Variants in TRPA1 observed in about 807,000 individuals in gnomAD.
TRPA1 encodes the protein ankyrin-like with transmembrane domains 1.
TRPA1 carries 129 observed loss-of-function variants against 131.3 expected under a neutral mutation model. The observed-to-expected ratio is 0.98, with a 90% CI of 0.85 to 1.14. The LOEUF is 1.14. TRPA1 is among the 50% of genes most tolerant of loss of function. The pLI is 0.00. For missense variants in TRPA1, 1,304 were observed against 1,354.2 expected (o/e 0.96, Z 0.58); for synonymous variants, 441 against 451.7 (o/e 0.98, Z 0.30).
Position 72,052,644 on chromosome 8 carries a change from T to G in TRPA1, c.1766A>C (p.His589Pro). 1.2e-6 allele frequency: 2 copies of G among 1,613,730 alleles called. No homozygotes were observed. The highest frequency in any genetic ancestry group is 1.1e-5 in the South Asian group (1 of 91,078). Reference sequence around the variant, plus strand: ...AAGAACAACCTCCTTCCTCTTATTGTGAAGTGCAAGGTGCAAAAAGGAGGC... The same window carrying G: ...AAGAACAACCTCCTTCCTCTTATTGGGAAGTGCAAGGTGCAAAAAGGAGGC... ...QQASFLHLAL[H>P]NKRKEVVLTI... The change falls in exon 14 of 27, where the codon CAC becomes CCC. Residue 589 changes from histidine (H) to proline (P), a missense_variant. His to Pro is a moderately conservative substitution (Grantham distance 77). Coordinates refer to ENST00000262209, the MANE Select transcript of TRPA1 (RefSeq NM_007332.3).
At chr8:72,076,769 G>A (rs923682223), upstream of TRPA1, 1 of 152,160 alleles carries the variant, frequency 6.6e-6, no homozygotes, top group African/African-American at 2.4e-5. Context: ...TCCACCCCTG[G>A]AGTGGAATTC....
At chr8:72,055,156 T>C in intron 12 of TRPA1, 2 of 401,264 alleles carry the variant, frequency 5.0e-6, no homozygotes, top group East Asian at 5.2e-5. Context: ...AAAGAAAGGT[T>C]CTGAGAAAGA....
intron 21 of TRPA1, among the ~76,000 whole-genome samples, chr8:72,034,879 T>C (rs1345366604): frequency 6.6e-6 from 1 of 152,198 alleles, no homozygotes; most frequent in Non-Finnish European, 1.5e-5. Flanking sequence ...ACTTGACAAC[T>C]GGACATTACT....
intron 15 of TRPA1, among the ~76,000 whole-genome samples, chr8:72,049,354 G>A (rs1239913988): frequency 1.3e-5 from 2 of 152,106 alleles, no homozygotes; most frequent in African/African-American, 4.8e-5. Flanking sequence ...TGCTCAGAGA[G>A]GTGAAATGAC....
chr8:72,082,084 C>CAATT, the TRPA1 span, among the ~76,000 whole-genome samples: 59 of 151,852 alleles, frequency 3.9e-4, no homozygotes, highest in African/African-American at 1.4e-3. Flanking sequence ...TTGTATCCAA[C>CAATT]AATTGTCTTA....
intron 17 of TRPA1, among the ~76,000 whole-genome samples, chr8:72,045,151 C>T (rs1264619359): frequency 6.6e-6 from 1 of 151,964 alleles, no homozygotes; most frequent in African/African-American, 2.4e-5. Context: ...ACAACATACT[C>T]AAGGAGAGCT....
chr8:72,063,199 G>A (rs1264849975), intron 5 of TRPA1, among the ~76,000 whole-genome samples: 1 of 152,030 alleles, frequency 6.6e-6, no homozygotes, highest in Admixed American at 6.6e-5. Context: ...GGCCAACACG[G>A]TGAAACCCCA....
chr8:72,038,117 A>G (rs777281112), intron 19 of TRPA1, 45 bp from the exon 20 acceptor site: 2 of 970,748 alleles, frequency 2.1e-6, no homozygotes, highest in Non-Finnish European at 3.2e-6. Context: ...GAGATATAAA[A>G]CACTTTAACA....
chr8:72,038,952 G>A lies in TRPA1; in HGVS notation c.2208C>T (p.Leu736=), dbSNP rs775284569. Residue 736 remains leucine (L), a synonymous_variant, in exon 19 of 27, where the codon CTC becomes CTT. Coordinates refer to ENST00000262209, the MANE Select transcript of TRPA1 (RefSeq NM_007332.3). ...YCLGLIPMTI[L]VVNIKPGMAF... The stretch of plus-strand genomic sequence containing the variant: ...CCATTCCTGGTTTTATATTGACAAC[G>A]AGAATGGTCATAGGTATGAGACCAA... 3.2e-5 allele frequency: 51 copies of A among 1,612,814 alleles called. No homozygotes were observed. In the South Asian group the frequency reaches 4.7e-4, roughly 15 times the overall value.
intron 17 of TRPA1, among the ~76,000 whole-genome samples, chr8:72,043,124 C>T (rs976534895): frequency 1.3e-5 from 2 of 151,730 alleles, no homozygotes; most frequent in African/African-American, 4.8e-5. Context: ...ACTGGAACAT[C>T]GGGATAAGGC....
In TRPA1 at chr8:72,025,963, T is replaced by A. The variant is rs1446034022; in HGVS notation, c.3048A>T (p.Leu1016Phe). The A allele has an allele frequency of 6.2e-7, 1 of 1,612,726 alleles. No homozygotes were observed. The highest frequency in any genetic ancestry group is 1.1e-5 in the South Asian group (1 of 91,050). ...YPNKPRSGGM[L>F]FHIFCFLFCT... Reference sequence around the variant, plus strand: ...GTTATTTGTTATGTGTACTTACGAATAACATCCCACCAGATCTGGGTTTGT... The same window carrying A: ...GTTATTTGTTATGTGTACTTACGAAAAACATCCCACCAGATCTGGGTTTGT... The change falls in exon 25 of 27, where the codon TTA becomes TTT. Residue 1016 changes from leucine to phenylalanine, a missense_variant. By Grantham distance (22) the Leu-to-Phe change is conservative. Transcript: ENST00000262209.
At chr8:72,049,432 T>C (rs1805437302) in intron 15 of TRPA1, among the ~76,000 whole-genome samples, 1 of 152,134 alleles carries the variant, frequency 6.6e-6, no homozygotes, top group South Asian at 2.1e-4. Context: ...AGGCTCCAAA[T>C]CTGGTCTTCT....
At chr8:72,073,946 G>C (rs1170877763) in intron 1 of TRPA1, among the ~76,000 whole-genome samples, 1 of 152,222 alleles carries the variant, frequency 6.6e-6, no homozygotes, top group African/African-American at 2.4e-5. Flanking sequence ...ACCTTGGGAG[G>C]CCTGGCTACT....
At chr8:72,049,682 G>A (rs79067710) in intron 15 of TRPA1, among the ~76,000 whole-genome samples, 2,224 of 152,138 alleles carry the variant, frequency 0.015, 74 homozygotes, top group African/African-American at 0.05. Flanking sequence ...TAGCAAAAGG[G>A]GTCACATGTT....
chr8:72,072,203 T>C (rs1806078664), intron 1 of TRPA1, among the ~76,000 whole-genome samples: 1 of 152,180 alleles, frequency 6.6e-6, no homozygotes, highest in Non-Finnish European at 1.5e-5. Context: ...TGACCATAAC[T>C]AGTCTCATAT....
In TRPA1 at chr8:72,034,340, C is replaced by A; in HGVS notation, c.2593G>T (p.Val865Leu). The A allele has an allele frequency of 6.4e-7, 1 of 1,555,698 alleles. No homozygotes were observed. Residue 865 changes from valine to leucine, a missense_variant, in exon 22 of 27, where the codon GTA becomes TTA. Transcript: ENST00000262209. Reference sequence around the variant, plus strand: ...GACCTCAACAAAGTTTTCAAAATTACCTCCAACATAACAATAAAAATTCCA... The same window carrying A: ...GACCTCAACAAAGTTTTCAAAATTAACTCCAACATAACAATAAAAATTCCA... The part of the protein sequence containing the change: ...NCGIFIVMLE[V>L]ILKTLLRSTV...
At chr8:72,057,489 T>C (rs1805698335) in intron 9 of TRPA1, among the ~76,000 whole-genome samples, 1 of 152,242 alleles carries the variant, frequency 6.6e-6, no homozygotes, top group African/African-American at 2.4e-5. Flanking sequence ...ATAAATGTTC[T>C]CTACTATTGT....
intron 14 of TRPA1, among the ~76,000 whole-genome samples, chr8:72,052,346 C>G (rs903407489): frequency 6.6e-6 from 1 of 152,084 alleles, no homozygotes; most frequent in African/African-American, 2.4e-5. Context: ...TGCTGAAGCC[C>G]GGGAGGCGGA....
intron 21 of TRPA1, among the ~76,000 whole-genome samples, chr8:72,035,648 G>C (rs76055611): frequency 2.6e-5 from 4 of 152,194 alleles, no homozygotes; most frequent in Admixed American, 1.3e-4. Flanking sequence ...TTTTTTCCCT[G>C]TCTAGAATTA....
Sources: allele counts gnomAD v4.1 joint callset (sites outside exome capture counted in the v4.1 genomes callset), GRCh38; gene constraint gnomAD v4.1.1; transcripts MANE v1.5; gene names NCBI Gene and HGNC (gene_info 2026-07-23, HGNC 2026-07-21).